TMTC4: variants seen among roughly 807,000 people sequenced by gnomAD.
TMTC4 encodes protein O-mannosyl-transferase TMTC4.
Under a neutral mutation model 86.0 loss-of-function variants are expected in TMTC4, and 65 were observed. The ratio of observed to expected loss-of-function variants is 0.76; its 90% CI spans 0.62 to 0.93. TMTC4 has a LOEUF of 0.93. Among genes scored for constraint, TMTC4 ranks in the 40% least tolerant of loss-of-function variants. The pLI is 0.00. For missense variants in TMTC4, 866 were observed against 948.1 expected, an observed-to-expected ratio of 0.91 and a Z score of 1.14; for synonymous variants, 379 against 382.5, an observed-to-expected ratio of 0.99 and a Z score of 0.11.
chr13:100,638,493 T>C (rs1480813247), intron 7 of TMTC4: 1 of 153,036 alleles, frequency 6.5e-6, no homozygotes, highest in African/African-American at 2.4e-5. Context: ...TTGGCATCTT[T>C]AGAAATGGGA....
chr13:100,663,034 A>G lies in TMTC4; in HGVS notation c.482T>C (p.Leu161Pro), dbSNP rs1225041670. The part of the protein sequence containing the change: ...GLQYTSKGRR[L>P]HLAPRASLLA... ...CAGGGACGCCCTGGGGGCGAGGTGC[A>G]GCCTCCGGCCTTTACTGGTGTACTG... The change falls in exon 5 of 19, where the codon CTG becomes CCG. Residue 161 changes from leucine to proline, a missense_variant. By Grantham distance (98) the Leu-to-Pro change is moderately conservative. Coordinates refer to ENST00000342624, the MANE Select transcript of TMTC4 (RefSeq NM_032813.5). 2 of 1,614,094 alleles carry G rather than the reference A, an allele frequency of 1.2e-6. No homozygotes were observed. The highest frequency in any genetic ancestry group is 2.7e-5 in the African/African-American group (2 of 74,956).
chr13:100,632,053 A>ACTCTCTCTCTCTCT (rs67759381), intron 12 of TMTC4, among the ~76,000 whole-genome samples: 80 of 43,110 alleles, frequency 1.9e-3, no homozygotes, highest in Admixed American at 4.8e-3. Context: ...ACACACACAC[A>ACTCTCTCTCTCTCT]CTCTCTCTCT....
At chr13:100,669,228 C>T (rs968519315) in intron 2 of TMTC4, among the ~76,000 whole-genome samples, 3 of 152,148 alleles carry the variant, frequency 2.0e-5, no homozygotes, top group Non-Finnish European at 4.4e-5. Flanking sequence ...GGGAGAGGGT[C>T]GTGTGTAAAA....
intron 17 of TMTC4, among the ~76,000 whole-genome samples, chr13:100,607,958 G>A (rs1594218204): frequency 6.6e-6 from 1 of 152,066 alleles, no homozygotes; most frequent in Non-Finnish European, 1.5e-5. Flanking sequence ...AAGTCAAATG[G>A]GTTGTGTAGT....
intron 10 of TMTC4, 127 bp from the exon 11 acceptor site, chr13:100,635,322 T>A: frequency 9.3e-7 from 1 of 1,078,990 alleles, no homozygotes; most frequent in Non-Finnish European, 1.3e-6. Flanking sequence ...AAAGATATTG[T>A]TGTCAGCCAA....
chr13:100,671,090 T>C (rs530594098), intron 1 of TMTC4, among the ~76,000 whole-genome samples: 31 of 152,240 alleles, frequency 2.0e-4, no homozygotes, highest in Middle Eastern at 3.4e-3. Context: ...CACAATAGAG[T>C]CATGAGCTGA....
intron 6 of TMTC4, among the ~76,000 whole-genome samples, chr13:100,649,765 A>G (rs1884201136): frequency 6.8e-6 from 1 of 148,110 alleles, no homozygotes; most frequent in South Asian, 2.1e-4. Context: ...CTTCTTCAAA[A>G]TAAATAAATA....
intron 2 of TMTC4, 21 bp downstream of exon 2, chr13:100,670,339 C>T (rs1886930105): frequency 6.2e-7 from 1 of 1,608,552 alleles, no homozygotes; most frequent in African/African-American, 1.3e-5. Context: ...GGAGACAGAT[C>T]CAACAGGCAA....
At chr13:100,606,703 T>C (rs576177871) in intron 17 of TMTC4, among the ~76,000 whole-genome samples, 9 of 152,260 alleles carry the variant, frequency 5.9e-5, no homozygotes, top group South Asian at 2.1e-4. Flanking sequence ...TGTAATGTTA[T>C]GCAAGTCGCC....
chr13:100,634,198 G>A (rs1033713260), intron 12 of TMTC4, among the ~76,000 whole-genome samples: 2 of 151,384 alleles, frequency 1.3e-5, no homozygotes, highest in East Asian at 1.9e-4. Flanking sequence ...TGCAATATGC[G>A]GTTTGCTGAC....
At chr13:100,614,031 G>A (rs1021697776) in intron 16 of TMTC4, among the ~76,000 whole-genome samples, 9 of 151,560 alleles carry the variant, frequency 5.9e-5, no homozygotes, top group Admixed American at 3.3e-4. Context: ...TACGGACAGG[G>A]TTTCTCCATG....
At chr13:100,650,459 C>T (rs1480751017) in intron 6 of TMTC4, among the ~76,000 whole-genome samples, 3 of 152,232 alleles carry the variant, frequency 2.0e-5, no homozygotes, top group African/African-American at 7.2e-5. Context: ...GAAAAAGCAT[C>T]ACGTTGTACA....
intron 7 of TMTC4, among the ~76,000 whole-genome samples, chr13:100,639,949 A>AAAAAT (rs528284384): frequency 5.3e-4 from 81 of 152,138 alleles, no homozygotes; most frequent in East Asian, 5.2e-3. Context: ...GAATAAAAAT[A>AAAAAT]AAAATAAAAT....
chr13:100,606,341 T>A lies in TMTC4; in HGVS notation c.2134+17A>T. 1.9e-6 allele frequency: 3 copies of A among 1,610,996 alleles called. No homozygotes were observed. Among genetic ancestry groups the A allele is most frequent in the Non-Finnish European group, 2.5e-6 (3 of 1,177,788 alleles). ...TAACAAAATTTCAACACGATTCAAGTTGAACATTTTTCTTACCCAAATTAC... is the reference window on the plus strand; with the variant it reads ...TAACAAAATTTCAACACGATTCAAGATGAACATTTTTCTTACCCAAATTAC... On this transcript the variant is annotated intron_variant, in intron 18 of 18. Coordinates refer to ENST00000342624, the MANE Select transcript of TMTC4 (RefSeq NM_032813.5).
intron 6 of TMTC4, among the ~76,000 whole-genome samples, chr13:100,651,501 A>C: frequency 7.3e-6 from 1 of 137,856 alleles, no homozygotes; most frequent in Non-Finnish European, 1.5e-5. Context: ...TGCACCAAAA[A>C]AAAAAAAAAA....
At chr13:100,634,962 T>C (rs747372416) in intron 11 of TMTC4, 26 bp from the exon 12 acceptor site, 1 of 1,612,354 alleles carries the variant, frequency 6.2e-7, no homozygotes, top group Non-Finnish European at 8.5e-7. Context: ...ACATGGTAAT[T>C]GTCACCAGTG....
At chr13:100,661,638 C>A (rs1019810813) in intron 5 of TMTC4, among the ~76,000 whole-genome samples, 4 of 152,126 alleles carry the variant, frequency 2.6e-5, no homozygotes, top group Non-Finnish European at 5.9e-5. Flanking sequence ...CAGTCCCCAG[C>A]CTATTCAGCC....
chr13:100,672,624 G>C (rs1019665329), intron 1 of TMTC4, among the ~76,000 whole-genome samples: 4 of 152,074 alleles, frequency 2.6e-5, no homozygotes, highest in African/African-American at 9.7e-5. Flanking sequence ...CCAAGTAGCT[G>C]GGACTATAGG....
At chr13:100,615,742 C>T (rs768769449) in intron 15 of TMTC4, among the ~76,000 whole-genome samples, 1 of 152,212 alleles carries the variant, frequency 6.6e-6, no homozygotes, top group East Asian at 1.9e-4. Flanking sequence ...CGTGGGCCAC[C>T]GCACTCGGCC....
Sources: allele counts gnomAD v4.1 joint callset (sites outside exome capture counted in the v4.1 genomes callset), GRCh38; gene constraint gnomAD v4.1.1; transcripts MANE v1.5; gene names NCBI Gene and HGNC (gene_info 2026-07-23, HGNC 2026-07-21).